Variants in CCNO observed in about 807,000 individuals in gnomAD.
The protein encoded by CCNO is cyclin O, also known as cyclin-O.
A neutral mutation model predicts 23.9 loss-of-function variants in CCNO; 24 were observed. The observed-to-expected ratio is 1.00, with a 90% CI of 0.73 to 1.41. The LOEUF (loss-of-function observed/expected upper bound fraction) is 1.41. CCNO is among the 40% of genes most tolerant of loss of function. CCNO has a pLI of 0.00. For missense variants in CCNO, 542 were observed against 476.2 expected (o/e 1.14, Z -1.29); for synonymous variants, 241 against 225.7 (o/e 1.07, Z -0.61).
At chr5:55,232,336 T>C (rs969770754) in intron 2 of CCNO, 25 bp downstream of exon 2, 1 of 1,604,492 alleles carries the variant, frequency 6.2e-7, no homozygotes, top group Admixed American at 1.7e-5. Flanking sequence ...AGATGCCGCG[T>C]GTACCTGTTT....
chr5:55,233,085 G>C (rs759372812), intron 1 of CCNO, 58 bp downstream of exon 1: 2 of 1,503,480 alleles, frequency 1.3e-6, no homozygotes, highest in Non-Finnish European at 1.8e-6. Context: ...CAGGAGAGGA[G>C]AGAGCCTGGG....
intron 1 of CCNO, chr5:55,232,864 G>T: frequency 1.7e-6 from 1 of 588,546 alleles, no homozygotes; most frequent in South Asian, 2.2e-5. Context: ...GCCCGAGTTC[G>T]GTAGGAGTCC....
Position 55,232,471 on chromosome 5 carries a change from A to G in CCNO, c.457T>C (p.Ser153Pro). The G allele has an allele frequency of 6.2e-7, 1 of 1,613,918 alleles. No homozygotes were observed. Reference protein sequence around the residue: ...VHRQFGLSFESLCLTVNTLDR... With the variant: ...VHRQFGLSFEPLCLTVNTLDR... ...AGAGTGTTCACCGTCAGGCACAGCG[A>G]CTCGAAGGAGAGGCCGAATTGGCGG... The change falls in exon 2 of 3, where the codon TCG becomes CCG. Residue 153 changes from serine (S) to proline (P), a missense_variant. Transcript: ENST00000282572.
Position 55,232,698 on chromosome 5 carries a change from G to A in CCNO, c.382-152C>T, listed in dbSNP as rs144371373. ...AAACGCAATGGAAACTGGGAAACGC[G>A]TGGGCCGTGCTGAGCCGGAACACCG... is the stretch of plus-strand genomic sequence containing the variant. On this transcript the variant is annotated intron_variant, in intron 1 of 2. Transcript: ENST00000282572. The A allele has an allele frequency of 2.3e-3, 1,706 of 746,778 alleles. 9 individuals are homozygous for A. The highest frequency in any genetic ancestry group is 9.8e-3 in the South Asian group (562 of 57,320). The allele number at this position is 746,778 out of a possible 1,614,324, so 46.3% of individuals were successfully genotyped here. A position where few individuals can be genotyped will look rare whatever the true frequency, so the allele number is the denominator to read the frequency against.
Position 55,231,787 on chromosome 5 carries a change from C to A in CCNO, c.641G>T (p.Cys214Phe). 6.4e-7 allele frequency: 1 copy of A among 1,560,850 alleles called. No individual in the cohort carries two copies. Among genetic ancestry groups the A allele is most frequent in the Non-Finnish European group, 8.7e-7 (1 of 1,153,214 alleles). ...GTGCAGCACGATGCACTCGAGGTTGCAGAGCTGCTGCCGGGAGAAGGCGCC... is the reference window on the plus strand; with the variant it reads ...GTGCAGCACGATGCACTCGAGGTTGAAGAGCTGCTGCCGGGAGAAGGCGCC... ...CCGAFSRQQL[C>F]NLECIVLHKL... The change falls in exon 3 of 3, where the codon TGC becomes TTC. Residue 214 changes from cysteine (C) to phenylalanine (F), a missense_variant. Transcript: ENST00000282572.
At chr5:55,233,040 T>C in intron 1 of CCNO, 103 bp downstream of exon 1, 1 of 1,248,182 alleles carries the variant, frequency 8.0e-7, no homozygotes, top group Non-Finnish European at 1.1e-6. Context: ...GGACCTGGGC[T>C]GTCGCGGGCC....
chr5:55,232,734 C>T, intron 1 of CCNO, 188 bp from the exon 2 acceptor site: 1 of 627,494 alleles, frequency 1.6e-6, no homozygotes, highest in South Asian at 1.9e-5. Flanking sequence ...GGATTGGGAC[C>T]TGGCGCTGTG....
In CCNO at chr5:55,231,167, A is replaced by G. The variant is rs1430112764; in HGVS notation, c.*208T>C. On this transcript the variant is annotated 3_prime_UTR_variant, in exon 3 of 3. Coordinates refer to ENST00000282572, the MANE Select transcript of CCNO (RefSeq NM_021147.5). The stretch of plus-strand genomic sequence containing the variant: ...ACTTGCAGGATTTAGACAAACCACA[A>G]CTGTTTATTGGTGAAAGACTCAGCT... 2.2e-5 allele frequency: 13 copies of G among 599,896 alleles called. No homozygotes were observed. Among genetic ancestry groups the G allele is most frequent in the Non-Finnish European group, 3.2e-5 (11 of 341,298 alleles). The allele number at this position is 599,896 out of a possible 1,614,324, so 37.2% of individuals were successfully genotyped here. A position where few individuals can be genotyped will look rare whatever the true frequency, so the allele number is the denominator to read the frequency against.
Position 55,233,276 on chromosome 5 carries a change from AG to A in CCNO, c.247del (p.Leu83CysfsTer11). ...CGCCACGGGCTGGGCCGGGCCGGGC[AG>A]GGGGCTACCACCCCGCGCCGCAGAG... Reference protein sequence around the residue: ...SPSAARGGSPLPGPAQPVAQL... With the variant: ...SPSAARGGSPXPGPAQPVAQL... On this transcript the variant is annotated frameshift_variant, in exon 1 of 3. Coordinates refer to ENST00000282572, the MANE Select transcript of CCNO (RefSeq NM_021147.5). LOFTEE classifies it high-confidence loss of function. 3 of 1,591,514 alleles carry A rather than the reference AG, an allele frequency of 1.9e-6. No homozygotes were observed. Among genetic ancestry groups the A allele is most frequent in the Non-Finnish European group, 1.7e-6 (2 of 1,171,214 alleles).
At position 55,233,398 on chromosome 5, in the gene CCNO, C is replaced by A. The variant is rs768495798; in HGVS notation, c.126G>T (p.Pro42=). The A allele has an allele frequency of 6.2e-7, 1 of 1,610,056 alleles. No homozygotes were observed. Among genetic ancestry groups the A allele is most frequent in the South Asian group, 1.1e-5 (1 of 90,702 alleles). ...GCGGGCACGGGTTCAGGGGATGCAG[C>A]GGCTGCTTCCTCCGGAGGCGCGGAC... ...SRRPRLRRKQ[P]LHPLNPCPLP... Residue 42 remains proline (P), a synonymous_variant, in exon 1 of 3, where the codon CCG becomes CCT. Transcript: ENST00000282572.
chr5:55,232,399 G>A lies in CCNO; in HGVS notation c.529C>T (p.Leu177=), dbSNP rs773613084. Residue 177 remains leucine (L), a synonymous_variant, in exon 2 of 3, where the codon CTG becomes TTG. Coordinates refer to ENST00000282572, the MANE Select transcript of CCNO (RefSeq NM_021147.5). ...TTPVAADCFQ[L]LGVTSLLIAC... is the part of the protein sequence containing the mutation. Reference sequence around the variant, plus strand: ...ATGAGCAAGGAGGTGACCCCAAGCAGCTGGAAGCAGTCTGCAGCCACCGGC... The same window carrying A: ...ATGAGCAAGGAGGTGACCCCAAGCAACTGGAAGCAGTCTGCAGCCACCGGC... The A allele has an allele frequency of 1.9e-6, 3 of 1,614,008 alleles. No homozygotes were observed. Among genetic ancestry groups the A allele is most frequent in the Non-Finnish European group, 2.5e-6 (3 of 1,180,034 alleles).
At chr5:55,232,006 C>G in intron 2 of CCNO, 146 bp from the exon 3 acceptor site, 2 of 962,734 alleles carry the variant, frequency 2.1e-6, no homozygotes, top group Admixed American at 2.9e-5. Flanking sequence ...TGACCTAGAG[C>G]GTACTTCCAG....
Position 55,233,442 on chromosome 5 carries a change from G to C in CCNO, c.82C>G (p.Pro28Ala). 1 of 1,604,914 alleles carries C rather than the reference G, an allele frequency of 6.2e-7. No homozygotes were observed. The highest frequency in any genetic ancestry group is 8.5e-7 in the Non-Finnish European group (1 of 1,176,552). ...CGCGGACGCCTGCTCTTCTTCACCGGGGCGCGAAGGTTCTGGTCGTTGTCC... is the reference window on the plus strand; with the variant it reads ...CGCGGACGCCTGCTCTTCTTCACCGCGGCGCGAAGGTTCTGGTCGTTGTCC... ...RRDNDQNLRA[P>A]VKKSRRPRLR... The change falls in exon 1 of 3, where the codon CCG becomes GCG. Residue 28 changes from proline (P) to alanine (A), a missense_variant. Coordinates refer to ENST00000282572, the MANE Select transcript of CCNO (RefSeq NM_021147.5).
Position 55,233,445 on chromosome 5 carries a change from C to A in CCNO, c.79G>T (p.Ala27Ser). 1.2e-6 allele frequency: 2 copies of A among 1,604,358 alleles called. No individual in the cohort carries two copies. Among genetic ancestry groups the A allele is most frequent in the Non-Finnish European group, 1.7e-6 (2 of 1,176,284 alleles). ...GRRDNDQNLR[A>S]PVKKSRRPRL... ...GGACGCCTGCTCTTCTTCACCGGGGCGCGAAGGTTCTGGTCGTTGTCCCGC... is the reference window on the plus strand; with the variant it reads ...GGACGCCTGCTCTTCTTCACCGGGGAGCGAAGGTTCTGGTCGTTGTCCCGC... The change falls in exon 1 of 3, where the codon GCC (alanine) becomes TCC (serine). Residue 27 changes from alanine (A) to serine (S), a missense_variant. By Grantham distance (99) the Ala-to-Ser change is moderately conservative (BLOSUM62 1). Transcript: ENST00000282572.
At position 55,233,371 on chromosome 5, in the gene CCNO, G is replaced by A; in HGVS notation, c.153C>T (p.Leu51=). 6.2e-7 allele frequency: 1 copy of A among 1,610,510 alleles called. No individual in the cohort carries two copies. Among genetic ancestry groups the A allele is most frequent in the East Asian group, 2.2e-5 (1 of 44,780 alleles). Residue 51 remains leucine (L), a synonymous_variant, in exon 1 of 3, where the codon CTC becomes CTT. Transcript: ENST00000282572. ...QPLHPLNPCP[L]PGDSGICDLF... is the part of the protein sequence containing the mutation. ...GGTCGCAAATGCCGGAGTCTCCCGG[G>A]AGCGGGCACGGGTTCAGGGGATGCA... is the stretch of plus-strand genomic sequence containing the variant.
rs1745668143 is a variant in CCNO, at chr5:55,233,514, G to C, written c.10C>G (p.Pro4Ala). 6.4e-7 allele frequency: 1 copy of C among 1,572,334 alleles called. No homozygotes were observed. The highest frequency in any genetic ancestry group is 2.3e-5 in the East Asian group (1 of 43,896). The change falls in exon 1 of 3, where the codon CCC becomes GCC. Residue 4 changes from proline (P) to alanine (A), a missense_variant. Transcript: ENST00000282572. ...GGGCTCGAGGGGCTGGTGGGACAGG[G>C]GGTCACCATGATGCGGCCGGGTGGC... MVT[P>A]CPTSPSSPAA...
At chr5:55,232,710 G>C in intron 1 of CCNO, 164 bp from the exon 2 acceptor site, 2 of 678,928 alleles carry the variant, frequency 2.9e-6, no homozygotes, top group African/African-American at 1.8e-5. Context: ...GGGCCGTGCT[G>C]AGCCGGAACA....
rs1484897953 is a variant in CCNO at position 55,231,639 on chromosome 5, C to T, written c.789G>A (p.Arg263=). The change falls in exon 3 of 3, where the codon CGG becomes CGA. Residue 263 remains arginine (R), a synonymous_variant. Transcript: ENST00000282572. ...CGGCCAGACTCAGCTCTGCCACCCC[C>T]CGCGCCAGGGCTTGCGCTTCCAGAG... ...SEALEAQALA[R]GVAELSLADY... The T allele has an allele frequency of 6.3e-7, 1 of 1,597,750 alleles. No homozygotes were observed. The highest frequency in any genetic ancestry group is 8.5e-7 in the Non-Finnish European group (1 of 1,172,774).
rs576286586 is a variant in CCNO, at chr5:55,232,571, G to A, written c.382-25C>T. ...CCTGCCGGGAAGGAGGGGGGAGGCGGGCCCGCTGGGCTTAGGGTGGAGAGG... is the reference window on the plus strand; with the variant it reads ...CCTGCCGGGAAGGAGGGGGGAGGCGAGCCCGCTGGGCTTAGGGTGGAGAGG... On this transcript the variant is annotated intron_variant, in intron 1 of 2. Transcript: ENST00000282572. 9 of 1,611,444 alleles carry A rather than the reference G, an allele frequency of 5.6e-6. No individual in the cohort carries two copies. In the South Asian group the frequency reaches 8.8e-5, roughly 16 times the overall value.
Sources: allele counts gnomAD v4.1 joint callset, GRCh38; gene constraint gnomAD v4.1.1; transcripts MANE v1.5; gene names NCBI Gene and HGNC (gene_info 2026-07-23, HGNC 2026-07-21).